PARD3: variants seen among roughly 807,000 people sequenced by gnomAD.
The protein encoded by PARD3 is par-3 family cell polarity regulator, also known as partitioning defective 3 homolog.
In PARD3, 75 loss-of-function variants were observed where a neutral mutation model predicts 155.4. The ratio of observed to expected loss-of-function variants is 0.48; its 90% confidence interval spans 0.40 to 0.58. PARD3 has a LOEUF of 0.58. Among genes scored for constraint, PARD3 ranks in the 20% least tolerant of loss-of-function variants. The pLI is 0.00. For synonymous variants in PARD3, 576 were observed against 610.5 expected (o/e 0.94, Z 0.83); for missense variants, 1,642 against 1,721.7 (o/e 0.95, Z 0.82).
At chr10:34,578,605 C>T (rs2134228028) in intron 2 of PARD3, among the ~76,000 whole-genome samples, 1 of 152,282 alleles carries the variant, frequency 6.6e-6, no homozygotes, top group African/African-American at 2.4e-5. Flanking sequence ...GTTCTATTAG[C>T]CCATTTTACA....
At chr10:34,716,248 A>G (rs1420934462) in intron 1 of PARD3, among the ~76,000 whole-genome samples, 1 of 152,204 alleles carries the variant, frequency 6.6e-6, no homozygotes, top group African/African-American at 2.4e-5. Flanking sequence ...GTCTCAGAAA[A>G]AGGAAGTTTA....
intron 5 of PARD3, among the ~76,000 whole-genome samples, chr10:34,435,723 C>T (rs1232064137): frequency 6.6e-6 from 1 of 152,198 alleles, no homozygotes; most frequent in East Asian, 1.9e-4. Context: ...TATCATATAA[C>T]ATACAGTCTA....
At chr10:34,188,199 G>A (rs1310255598) in intron 22 of PARD3, among the ~76,000 whole-genome samples, 1 of 152,086 alleles carries the variant, frequency 6.6e-6, no homozygotes, top group East Asian at 1.9e-4. Context: ...CAATGGAATC[G>A]CCTGAGTTGG....
chr10:34,483,506 G>GAA lies in PARD3; in HGVS notation c.404-13245_404-13244dup, dbSNP rs11459278. ...CCAAAAAAAAAAAAAAAAAGAGAGA[G>GAA]AAAAAAAAACAGAAAAAAGGGGGGA... On this transcript the variant is annotated intron_variant, in intron 3 of 24. Coordinates refer to ENST00000374788, the MANE Select transcript of PARD3 (RefSeq NM_001184785.2). 7.1e-4 allele frequency among the ~76,000 whole-genome samples: 101 copies of GAA among 142,332 alleles called. 1 individual carries two copies. The highest frequency in any genetic ancestry group is 2.5e-3 in the African/African-American group (94 of 37,686). The allele number at this position is 142,332 out of a possible 152,430, so 93.4% of individuals were successfully genotyped here.
rs367577674 is a variant in PARD3 at position 34,584,575 on chromosome 10, G to A, written c.223-67416C>T. 3.9e-5 allele frequency among the ~76,000 whole-genome samples: 6 copies of A among 152,092 alleles called. No individual in the cohort carries two copies. The South Asian group carries it at 6.2e-4, about 16-fold the overall frequency. ...AGAGGTACATGGTGTCCAACTAATC[G>A]AGCGGAGTTTCCTAATAATTCACAT... On this transcript the variant is annotated intron_variant, in intron 2 of 24. Coordinates refer to ENST00000374788, the MANE Select transcript of PARD3 (RefSeq NM_001184785.2).
rs901142460 is a variant in PARD3, at chr10:34,608,432, C to T, written c.222+87886G>A. Among the ~76,000 whole-genome samples, 3 of 152,084 alleles carry T rather than the reference C, an allele frequency of 2.0e-5. No individual in the cohort carries two copies. In the South Asian group the frequency reaches 6.2e-4, roughly 32 times the overall value. ...CCTAGAGCCATCTAGTTCTTAGGCA[C>T]CACCACAATCAGCTCTCTGTATCCA... On this transcript the variant is annotated intron_variant, in intron 2 of 24. Coordinates refer to ENST00000374788, the MANE Select transcript of PARD3 (RefSeq NM_001184785.2).
At chr10:34,662,924 C>G (rs1419421276) in intron 2 of PARD3, among the ~76,000 whole-genome samples, 1 of 150,066 alleles carries the variant, frequency 6.7e-6, no homozygotes, top group African/African-American at 2.5e-5. Flanking sequence ...GTGAAACAAG[C>G]CAGGCACAGA....
chr10:34,764,060 C>T (rs1248353845), intron 1 of PARD3, among the ~76,000 whole-genome samples: 1 of 152,316 alleles, frequency 6.6e-6, no homozygotes, highest in African/African-American at 2.4e-5. Flanking sequence ...CGTGGGACTG[C>T]TCATACCTGG....
intron 19 of PARD3, among the ~76,000 whole-genome samples, chr10:34,326,756 GA>G (rs1211969557): frequency 6.6e-6 from 1 of 152,102 alleles, no homozygotes; most frequent in Non-Finnish European, 1.5e-5. Context: ...ATTTCATACT[GA>G]AAACCTAAAT....
At chr10:34,525,105 G>A (rs190669047) in intron 2 of PARD3, among the ~76,000 whole-genome samples, 1 of 152,200 alleles carries the variant, frequency 6.6e-6, no homozygotes, top group African/African-American at 2.4e-5. Flanking sequence ...GTGTTTAACT[G>A]GACGAGTAAG....
chr10:34,378,168 T>C (rs1407479089), intron 9 of PARD3, 62 bp from the exon 10 acceptor site: 2 of 1,242,834 alleles, frequency 1.6e-6, no homozygotes, highest in African/African-American at 1.6e-5. Context: ...TACAGGTGTA[T>C]TGCACCAGTA....
At chr10:34,224,195 G>C (rs1031794644) in intron 22 of PARD3, among the ~76,000 whole-genome samples, 3 of 152,120 alleles carry the variant, frequency 2.0e-5, no homozygotes, top group African/African-American at 7.2e-5. Flanking sequence ...TGACCTAAAA[G>C]CTTTTCATAA....
At chr10:34,453,946 A>C (rs1320079177) in intron 4 of PARD3, among the ~76,000 whole-genome samples, 1 of 152,204 alleles carries the variant, frequency 6.6e-6, no homozygotes, top group African/African-American at 2.4e-5. Flanking sequence ...GGATAATAAA[A>C]CTAAAACTAA....
chr10:34,381,610 G>A (rs1249198453), intron 9 of PARD3, among the ~76,000 whole-genome samples: 2 of 151,928 alleles, frequency 1.3e-5, no homozygotes, highest in South Asian at 2.1e-4. Context: ...ATCGGCAATC[G>A]ACATCATGAC....
chr10:34,471,060 T>C (rs1171021835), intron 3 of PARD3, among the ~76,000 whole-genome samples: 1 of 152,176 alleles, frequency 6.6e-6, no homozygotes, highest in Non-Finnish European at 1.5e-5. Flanking sequence ...CTGAAAAATT[T>C]TGTTGAATAA....
intron 2 of PARD3, among the ~76,000 whole-genome samples, chr10:34,695,253 G>A (rs920644407): frequency 1.3e-5 from 2 of 152,150 alleles, no homozygotes; most frequent in African/African-American, 4.8e-5. Context: ...AAAGCAGGCG[G>A]ATCATGAGGT....
chr10:34,641,615 T>G (rs1009899429), intron 2 of PARD3, among the ~76,000 whole-genome samples: 3 of 152,026 alleles, frequency 2.0e-5, no homozygotes, highest in Non-Finnish European at 4.4e-5. Context: ...CAAGTCCTCA[T>G]GGCCCAGCAC....
chr10:34,118,660 T>G (rs1014567738), intron 24 of PARD3, among the ~76,000 whole-genome samples: 1 of 152,182 alleles, frequency 6.6e-6, no homozygotes, highest in African/African-American at 2.4e-5. Flanking sequence ...CTCATCTTTA[T>G]TAGAAATTGA....
intron 21 of PARD3, among the ~76,000 whole-genome samples, chr10:34,281,822 T>C (rs1378975775): frequency 2.0e-5 from 3 of 152,134 alleles, no homozygotes; most frequent in Non-Finnish European, 2.9e-5. Context: ...CATGGGGGAA[T>C]GTTGGGTTTT....
Sources: allele counts gnomAD v4.1 joint callset (sites outside exome capture counted in the v4.1 genomes callset), GRCh38; gene constraint gnomAD v4.1.1; transcripts MANE v1.5; gene names NCBI Gene and HGNC (gene_info 2026-07-23, HGNC 2026-07-21).